The following WDR1 variants were observed in gnomAD, a reference collection of about 807,000 sequenced individuals.
WDR1 encodes WD repeat domain 1, also known as WD repeat-containing protein 1.
In WDR1, 21 loss-of-function variants were observed where a neutral mutation model predicts 71.9. That is an observed-to-expected ratio of 0.29 (90% CI 0.21 to 0.42). WDR1 has a LOEUF of 0.42. Among genes scored for constraint, WDR1 ranks in the 10% least tolerant of loss-of-function variants. The pLI, the probability that WDR1 is intolerant of heterozygous loss-of-function variation, is 1.00. For missense variants in WDR1, 696 were observed against 824.5 expected (o/e 0.84, Z 1.91); for synonymous variants, 424 against 347.4 (o/e 1.22, Z -2.45).
chr4:10,083,538 G>A (rs1765095954), intron 9 of WDR1: 1 of 473,696 alleles, frequency 2.1e-6, no homozygotes. Flanking sequence ...TGGCATGTCT[G>A]CCCTCCTCTC....
chr4:10,101,779 G>T (rs987219634), intron 3 of WDR1, among the ~76,000 whole-genome samples: 7 of 152,244 alleles, frequency 4.6e-5, no homozygotes, highest in African/African-American at 1.4e-4. Context: ...AGGCAGGAGC[G>T]GAGGCCCTTG....
chr4:10,083,757 GAC>G (rs778700267), intron 9 of WDR1: 3 of 451,584 alleles, frequency 6.6e-6, no homozygotes, highest in Middle Eastern at 3.3e-4. Flanking sequence ...CAAGGTTCAA[GAC>G]ACACCCGTGA....
intron 8 of WDR1, 74 bp downstream of exon 8, chr4:10,087,633 C>T: frequency 3.5e-6 from 5 of 1,419,396 alleles, no homozygotes; most frequent in Non-Finnish European, 4.7e-6. Flanking sequence ...CCCTCGGTTC[C>T]CCTTCCTTGC....
In WDR1 at chr4:10,097,899, C is replaced by T; in HGVS notation, c.378-8G>A. ...AGGAAGACTGCTCCAAACCTTGACC[C>T]AATGACACAGGTGGAAGACAAAAAA... On this transcript the variant is annotated splice_region_variant and splice_polypyrimidine_tract_variant and intron_variant, in intron 4 of 14. Coordinates refer to ENST00000499869, the MANE Select transcript of WDR1 (RefSeq NM_017491.5). 1 of 1,504,988 alleles carries T rather than the reference C, an allele frequency of 6.6e-7. No homozygotes were observed. The highest frequency in any genetic ancestry group is 8.9e-7 in the Non-Finnish European group (1 of 1,119,860). The allele number at this position is 1,504,988 out of a possible 1,614,324, so 93.2% of individuals were successfully genotyped here.
chr4:10,097,270 T>C (rs529643036), intron 5 of WDR1, among the ~76,000 whole-genome samples: 3 of 152,388 alleles, frequency 2.0e-5, no homozygotes, highest in African/African-American at 7.2e-5. Context: ...CGTTTGTCAC[T>C]TTGCAGGCGC....
At chr4:10,091,028 G>T (rs1378345475) in intron 5 of WDR1, among the ~76,000 whole-genome samples, 1 of 152,234 alleles carries the variant, frequency 6.6e-6, no homozygotes, top group African/African-American at 2.4e-5. Flanking sequence ...CGATGGGGCT[G>T]GCGAGCCCTT....
intron 11 of WDR1, among the ~76,000 whole-genome samples, chr4:10,081,112 T>C (rs1764997259): frequency 6.6e-6 from 1 of 152,232 alleles, no homozygotes; most frequent in Non-Finnish European, 1.5e-5. Context: ...AAATCCCAGC[T>C]CTGCCCTCCG....
At position 10,084,826 on chromosome 4, in the gene WDR1, C is replaced by T. The variant is rs189304172; in HGVS notation, c.952-296G>A. On this transcript the variant is annotated intron_variant, in intron 8 of 14. Coordinates refer to ENST00000499869, the MANE Select transcript of WDR1 (RefSeq NM_017491.5). Reference sequence around the variant, plus strand: ...ACCTGCGTCTAACCAAGGCCCAGCACGTCAGCACCTGAGCACCTAACGTGT... The same window carrying T: ...ACCTGCGTCTAACCAAGGCCCAGCATGTCAGCACCTGAGCACCTAACGTGT... Among the ~76,000 whole-genome samples, 28 of 152,364 alleles carry T rather than the reference C, an allele frequency of 1.8e-4. No homozygotes were observed. In the East Asian group the frequency reaches 4.8e-3, roughly 26 times the overall value.
At position 10,116,752 on chromosome 4, in the gene WDR1, C is replaced by A. The variant is rs1263005815; in HGVS notation, c.-86G>T. ...GAATTACACCTCGCCGAGGCCGAGC[C>A]CGGGGACTGGAGCCGGAAGGCGGCA... On this transcript the variant is annotated 5_prime_UTR_variant, in exon 1 of 15. Coordinates refer to ENST00000499869, the MANE Select transcript of WDR1 (RefSeq NM_017491.5). 4.8e-6 allele frequency: 6 copies of A among 1,258,150 alleles called. No homozygotes were observed. Among genetic ancestry groups the A allele is most frequent in the South Asian group, 2.5e-5 (1 of 39,432 alleles). 77.9% of individuals were successfully genotyped at this position (1,258,150 alleles called of 1,614,324 possible).
chr4:10,095,017 C>G (rs1189142846), intron 5 of WDR1: 1 of 152,402 alleles, frequency 6.6e-6, no homozygotes, highest in Non-Finnish European at 1.5e-5. Context: ...ACCTGCCACC[C>G]CAGCGCTGCA....
chr4:10,097,301 T>C (rs781414999), intron 5 of WDR1, among the ~76,000 whole-genome samples: 6 of 152,274 alleles, frequency 3.9e-5, no homozygotes, highest in Non-Finnish European at 8.8e-5. Flanking sequence ...TCACTGTCTC[T>C]AGGAGAGACC....
chr4:10,075,732 CCA>C lies in WDR1; in HGVS notation c.1715-250_1715-249del, dbSNP rs1350929231. The C allele has an allele frequency of 3.2e-5, 18 of 563,582 alleles. 1 individual carries two copies. The highest frequency in any genetic ancestry group is 9.4e-4 in the Middle Eastern group (2 of 2,132). 34.9% of individuals were successfully genotyped at this position (563,582 alleles called of 1,614,324 possible). A position where few individuals can be genotyped will look rare whatever the true frequency, so the allele number is the denominator to read the frequency against. ...AGGGTAATTAGCAGCATCCCTGGCT[CCA>C]CCTACAGATGCCAGTGGCTCCCTCT... On this transcript the variant is annotated intron_variant, in intron 14 of 14. Coordinates refer to ENST00000499869, the MANE Select transcript of WDR1 (RefSeq NM_017491.5).
intron 9 of WDR1, 102 bp downstream of exon 9, chr4:10,084,341 A>G (rs1765127035): frequency 9.4e-7 from 1 of 1,059,934 alleles, no homozygotes; most frequent in Non-Finnish European, 1.4e-6. Context: ...CTGTGGCTGC[A>G]GCTGGAGCCA....
chr4:10,094,927 G>A (rs1333507292), intron 5 of WDR1: 1 of 152,278 alleles, frequency 6.6e-6, no homozygotes, highest in Non-Finnish European at 1.5e-5. Context: ...TCCTTTTCAA[G>A]GCAGCAGCTC....
chr4:10,104,037 C>T, intron 2 of WDR1, 51 bp from the exon 3 acceptor site: 2 of 1,530,646 alleles, frequency 1.3e-6, no homozygotes, highest in Admixed American at 3.9e-5. Context: ...AGCAGTCAAG[C>T]TTCCAGCTCT....
At chr4:10,084,331 C>T (rs1187046794) in intron 9 of WDR1, 112 bp downstream of exon 9, 4 of 916,046 alleles carry the variant, frequency 4.4e-6, no homozygotes, top group Admixed American at 2.0e-5. Flanking sequence ...GAGCGTGTGG[C>T]TGTGGCTGCA....
At chr4:10,112,218 A>G (rs566862314) in intron 2 of WDR1, among the ~76,000 whole-genome samples, 4 of 152,162 alleles carry the variant, frequency 2.6e-5, no homozygotes, top group South Asian at 2.1e-4. Flanking sequence ...CACAGAGGTC[A>G]TAAGAGGCAG....
At chr4:10,096,884 T>C (rs375442491) in intron 5 of WDR1, among the ~76,000 whole-genome samples, 5 of 152,162 alleles carry the variant, frequency 3.3e-5, no homozygotes, top group African/African-American at 7.2e-5. Context: ...TCCGGGTCCA[T>C]TGTTCTTGTC....
chr4:10,086,928 G>C (rs1711611606), intron 8 of WDR1, among the ~76,000 whole-genome samples: 1 of 152,180 alleles, frequency 6.6e-6, no homozygotes, highest in African/African-American at 2.4e-5. Context: ...TGAGGATACA[G>C]AAGGGACCCC....
Sources: gnomAD v4.1 joint callset for allele counts (sites outside exome capture counted in the v4.1 genomes callset) on GRCh38, gnomAD v4.1.1 for gene constraint, MANE v1.5 for transcripts, NCBI Gene and HGNC (gene_info 2026-07-23, HGNC 2026-07-21) for gene names.